The following RPS3 variants were observed in gnomAD, a reference collection of about 807,000 sequenced individuals.
The protein encoded by RPS3 is ribosomal protein S3.
Under a neutral mutation model 25.8 loss-of-function variants are expected in RPS3, and 2 were observed. The ratio of observed to expected loss-of-function variants is 0.08; its 90% CI spans 0.03 to 0.24. The LOEUF is 0.24. Ranked by LOEUF, RPS3 falls within the 10% of genes least tolerant of loss-of-function variation. The pLI is 1.00. For missense variants in RPS3, 107 were observed against 307.1 expected (o/e 0.35, Z 4.87); for synonymous variants, 114 against 114.2 (o/e 1.00, Z 0.01).
chr11:75,413,994 C>T (rs549504168), intron 6 of RPS3, among the ~76,000 whole-genome samples: 5 of 152,318 alleles, frequency 3.3e-5, no homozygotes, highest in Non-Finnish European at 5.9e-5. Context: ...TCTAGGATGT[C>T]ATCACCAGAC....
intron 1 of RPS3, chr11:75,399,950 C>T (rs930659976): frequency 3.0e-6 from 1 of 332,436 alleles, no homozygotes; most frequent in Non-Finnish European, 5.6e-6. Context: ...CTTGCCTTAA[C>T]TGGTCGTTTC....
intron 3 of RPS3, 173 bp downstream of exon 3, chr11:75,401,906 A>G: frequency 1.7e-6 from 1 of 591,392 alleles, no homozygotes. Context: ...CTAATGGCTG[A>G]TGGTTAAAGG....
chr11:75,407,258 C>CTGTAAT (rs1308140681), downstream of RPS3, among the ~76,000 whole-genome samples: 1 of 152,178 alleles, frequency 6.6e-6, no homozygotes, highest in Non-Finnish European at 1.5e-5. Context: ...CCAGCCTCAG[C>CTGTAAT]CTCCCGCTAG....
intron 6 of RPS3, among the ~76,000 whole-genome samples, chr11:75,412,845 C>G (rs1397750098): frequency 1.3e-5 from 2 of 152,214 alleles, no homozygotes; most frequent in Non-Finnish European, 2.9e-5. Flanking sequence ...GGCGTGATCT[C>G]AGCTCACTGC....
downstream of RPS3, among the ~76,000 whole-genome samples, chr11:75,410,143 GGGGCGGCTGGCC>G (rs1402462628): frequency 6.9e-6 from 1 of 145,478 alleles, no homozygotes; most frequent in African/African-American, 2.6e-5. Flanking sequence ...CCTCCCGGAC[GGGGCGGCTGGCC>G]GGGCGGGGGG....
intron 6 of RPS3, among the ~76,000 whole-genome samples, chr11:75,413,562 G>T (rs1431198596): frequency 6.6e-6 from 1 of 152,030 alleles, no homozygotes; most frequent in African/African-American, 2.4e-5. Context: ...AGCCCTTCTT[G>T]TATATTCTTA....
At chr11:75,408,812 A>G (rs1259570053), downstream of RPS3, among the ~76,000 whole-genome samples, 1 of 152,202 alleles carries the variant, frequency 6.6e-6, no homozygotes, top group Non-Finnish European at 1.5e-5. Flanking sequence ...CTGGGATTAC[A>G]GGCGTGAGCC....
In RPS3 at chr11:75,399,524, C is replaced by G. The variant is rs766698183; in HGVS notation, c.-24C>G. ...TTCCGCCCGCGAGCCACTTCCTTTC[C>G]TTTCAGCGGAGCGCGGCGGCAAGAT... On this transcript the variant is annotated 5_prime_UTR_variant, in exon 1 of 7. Transcript: ENST00000531188. 7.4e-6 allele frequency: 12 copies of G among 1,613,884 alleles called. No individual in the cohort carries two copies. Among genetic ancestry groups the G allele is most frequent in the Non-Finnish European group, 1.0e-5 (12 of 1,179,866 alleles).
intron 6 of RPS3, among the ~76,000 whole-genome samples, chr11:75,415,028 C>T (rs1948385161): frequency 6.6e-6 from 1 of 152,206 alleles, no homozygotes; most frequent in Admixed American, 6.5e-5. Flanking sequence ...AGCCACAGAC[C>T]CCACCCAGTC....
At chr11:75,401,855 C>A (rs901316895) in intron 3 of RPS3, 122 bp downstream of exon 3, 29 of 658,180 alleles carry the variant, frequency 4.4e-5, no homozygotes, top group Non-Finnish European at 7.1e-5. Flanking sequence ...TGTTGAAATT[C>A]TCTTAATGAA....
chr11:75,412,859 CTGTGCCTCCCAGGCAAGTGATTCT>C (rs1948369349), intron 6 of RPS3, among the ~76,000 whole-genome samples: 1 of 152,198 alleles, frequency 6.6e-6, no homozygotes, highest in African/African-American at 2.4e-5. Context: ...TCACTGCAAC[CTGTGCCTCCCAGGCAAGTGATTCT>C]TGTGCCTCAG....
chr11:75,411,065 A>C (rs1453009515), downstream of RPS3, among the ~76,000 whole-genome samples: 2 of 151,910 alleles, frequency 1.3e-5, no homozygotes, highest in East Asian at 3.9e-4. Context: ...TTTCGTAGAG[A>C]TGGGGTTTCA....
chr11:75,405,714 A>T lies in RPS3; in HGVS notation c.*104A>T, dbSNP rs1321756381. The T allele has an allele frequency of 2.2e-6, 1 of 450,304 alleles. No individual in the cohort carries two copies. Among genetic ancestry groups the T allele is most frequent in the South Asian group, 1.6e-5 (1 of 62,912 alleles). The allele number at this position is 450,304 out of a possible 1,614,324, so 27.9% of individuals were successfully genotyped here. ...ACAAGGTCTGACTAGACTGTTCAGT[A>T]TTCAGACTGAGGGGCATGTTGGCCT... On this transcript the variant is annotated 3_prime_UTR_variant, in exon 7 of 7. Coordinates refer to ENST00000531188, the MANE Select transcript of RPS3 (RefSeq NM_001005.5).
In RPS3 at chr11:75,401,752, T is replaced by C; in HGVS notation, c.255+19T>C. On this transcript the variant is annotated intron_variant, in intron 3 of 6. Transcript: ENST00000531188. ...TGTAGAGGTGAGTGATTCTGGCATA[T>C]GCCAGAGGTAATGGCTCTTCAGAAT... 1 of 1,384,110 alleles carries C rather than the reference T, an allele frequency of 7.2e-7. No homozygotes were observed. The highest frequency in any genetic ancestry group is 1.0e-6 in the Non-Finnish European group (1 of 971,236). 85.7% of individuals were successfully genotyped at this position (1,384,110 alleles called of 1,614,324 possible). A position where few individuals can be genotyped will look rare whatever the true frequency, so the allele number is the denominator to read the frequency against.
In RPS3 at chr11:75,404,408, C is replaced by T; in HGVS notation, c.538+201C>T. 1 of 781,212 alleles carries T rather than the reference C, an allele frequency of 1.3e-6. No homozygotes were observed. The allele number at this position is 781,212 out of a possible 1,614,324, so 48.4% of individuals were successfully genotyped here. A position where few individuals can be genotyped will look rare whatever the true frequency, so the allele number is the denominator to read the frequency against. Reference sequence around the variant, plus strand: ...AAGAGTTGGTTTGTCCTTGTTTTAGCCATCTGTGTACCCTTCAGTGATGAC... The same window carrying T: ...AAGAGTTGGTTTGTCCTTGTTTTAGTCATCTGTGTACCCTTCAGTGATGAC... On this transcript the variant is annotated intron_variant, in intron 5 of 6. Transcript: ENST00000531188. This position sits in a 1 kb window ranked among gnomAD's most constrained non-coding sequence, Gnocchi z 4.6.
intron 4 of RPS3, 137 bp from the exon 5 acceptor site, chr11:75,403,883 T>C: frequency 2.8e-6 from 2 of 722,632 alleles, no homozygotes; most frequent in Non-Finnish European, 4.5e-6. Flanking sequence ...TGGAAGAGAA[T>C]TGGTATTCTT....
chr11:75,407,971 AAG>A (rs1332044886), downstream of RPS3, among the ~76,000 whole-genome samples: 2 of 152,236 alleles, frequency 1.3e-5, no homozygotes, highest in Non-Finnish European at 2.9e-5. Flanking sequence ...AGGAGAAAGA[AAG>A]AAACTTAATG....
At chr11:75,400,424 G>A in intron 1 of RPS3, 2 of 562,644 alleles carry the variant, frequency 3.6e-6, no homozygotes, top group Non-Finnish European at 6.9e-6. Flanking sequence ...GTCTGACTTG[G>A]GGATGTTCTC....
downstream of RPS3, among the ~76,000 whole-genome samples, chr11:75,409,499 G>A (rs1255601542): frequency 4.6e-3 from 584 of 126,934 alleles, 2 homozygotes; most frequent in Non-Finnish European, 7.0e-3. Flanking sequence ...CACAGGGTTG[G>A]GGATAAGGTC....
Sources: gnomAD v4.1 joint callset for allele counts (sites outside exome capture counted in the v4.1 genomes callset) on GRCh38, gnomAD v4.1.1 for gene constraint, Gnocchi (gnomAD v3.1) non-coding constraint, MANE v1.5 for transcripts, NCBI Gene and HGNC (gene_info 2026-07-23, HGNC 2026-07-21) for gene names.